The following VEZT variants were observed in gnomAD, a reference collection of about 807,000 sequenced individuals.
The protein encoded by VEZT is vezatin.
In VEZT, 39 loss-of-function variants were observed where a neutral mutation model predicts 79.9. That is an observed-to-expected ratio of 0.49 (90% CI 0.38 to 0.64). The LOEUF (loss-of-function observed/expected upper bound fraction) is 0.64. Among genes scored for constraint, VEZT ranks in the 30% least tolerant of loss-of-function variants. The probability of loss-of-function intolerance (pLI) is 0.00; values close to 1 mark genes in which losing one functional copy is unlikely to be tolerated. For synonymous variants in VEZT, 325 were observed against 327.6 expected, an observed-to-expected ratio of 0.99 and a Z score of 0.09; for missense variants, 837 against 893.1, an observed-to-expected ratio of 0.94 and a Z score of 0.80.
intron 6 of VEZT, among the ~76,000 whole-genome samples, chr12:95,274,476 A>G (rs1258970153): frequency 6.6e-6 from 1 of 152,164 alleles, no homozygotes; most frequent in Non-Finnish European, 1.5e-5. Flanking sequence ...AAAAAAATAA[A>G]TAAATAACGT....
intron 1 of VEZT, among the ~76,000 whole-genome samples, chr12:95,242,865 C>T (rs549041524): frequency 2.9e-5 from 4 of 137,190 alleles, no homozygotes; most frequent in Admixed American, 1.5e-4. Context: ...AAGAGCATAA[C>T]TCCATCTCAC....
chr12:95,268,761 CTCTA>C (rs1329882998), intron 5 of VEZT, among the ~76,000 whole-genome samples: 6 of 152,336 alleles, frequency 3.9e-5, no homozygotes, highest in Non-Finnish European at 4.4e-5. Context: ...CTTCCTTTGT[CTCTA>C]TCTAACTGGA....
At chr12:95,298,607 T>A (rs759827465) in intron 11 of VEZT, among the ~76,000 whole-genome samples, 80 of 152,304 alleles carry the variant, frequency 5.3e-4, no homozygotes, top group Non-Finnish European at 8.4e-4. Context: ...TACTGCTGTA[T>A]CCCTAGCGCA....
chr12:95,276,453 A>C (rs540356648), intron 7 of VEZT, among the ~76,000 whole-genome samples: 19 of 150,764 alleles, frequency 1.3e-4, no homozygotes, highest in Non-Finnish European at 2.7e-4. Flanking sequence ...TATTTTTTGT[A>C]GAGACAGGGT....
intron 1 of VEZT, among the ~76,000 whole-genome samples, chr12:95,222,542 C>T (rs2057782445): frequency 6.6e-6 from 1 of 151,844 alleles, no homozygotes; most frequent in East Asian, 1.9e-4. Flanking sequence ...ATTTTAATTA[C>T]TATAATTTAA....
chr12:95,236,945 G>T (rs2060281061), intron 1 of VEZT, among the ~76,000 whole-genome samples: 1 of 152,100 alleles, frequency 6.6e-6, no homozygotes, highest in Non-Finnish European at 1.5e-5. Flanking sequence ...AGGCAATTGG[G>T]AATAAATGTA....
intron 3 of VEZT, among the ~76,000 whole-genome samples, chr12:95,260,655 A>G (rs1342245889): frequency 6.6e-6 from 1 of 152,140 alleles, no homozygotes; most frequent in East Asian, 1.9e-4. Flanking sequence ...CTTACCTTAT[A>G]TAGGTACATA....
intron 1 of VEZT, among the ~76,000 whole-genome samples, chr12:95,234,589 C>T (rs2059749542): frequency 6.6e-6 from 1 of 152,182 alleles, no homozygotes; most frequent in African/African-American, 2.4e-5. Flanking sequence ...GCCACCGCGC[C>T]AGGCTTCCAT....
intron 1 of VEZT, among the ~76,000 whole-genome samples, chr12:95,233,777 A>G (rs996442002): frequency 5.0e-4 from 76 of 152,252 alleles, no homozygotes; most frequent in East Asian, 7.7e-4. Flanking sequence ...ATATATATAT[A>G]TGTGTGTGAC....
intron 6 of VEZT, among the ~76,000 whole-genome samples, chr12:95,273,857 G>A (rs1027434001): frequency 4.6e-5 from 7 of 152,096 alleles, no homozygotes; most frequent in South Asian, 2.1e-4. Flanking sequence ...TGACCAAATA[G>A]GAATATGCTA....
chr12:95,246,280 G>A (rs570904086), intron 1 of VEZT, among the ~76,000 whole-genome samples: 15 of 152,236 alleles, frequency 9.9e-5, no homozygotes, highest in African/African-American at 3.4e-4. Context: ...GTGCCACCAT[G>A]CCTGGCTAAT....
intron 1 of VEZT, among the ~76,000 whole-genome samples, chr12:95,228,828 A>T (rs1357427447): frequency 6.6e-6 from 1 of 152,140 alleles, no homozygotes. Flanking sequence ...ACATAGTGAG[A>T]CCCTGTCTCT....
intron 6 of VEZT, among the ~76,000 whole-genome samples, chr12:95,270,415 A>G (rs1265208849): frequency 6.6e-6 from 1 of 152,230 alleles, no homozygotes; most frequent in Admixed American, 6.5e-5. Flanking sequence ...AAACAAGGAA[A>G]AAACTTGAAG....
intron 1 of VEZT, among the ~76,000 whole-genome samples, chr12:95,225,968 A>C (rs1362643791): frequency 1.3e-5 from 2 of 151,750 alleles, no homozygotes; most frequent in African/African-American, 2.4e-5. Flanking sequence ...GGTGGCATGC[A>C]TCTCTAGCCC....
chr12:95,286,384 G>A (rs2070880664), intron 8 of VEZT: 3 of 497,602 alleles, frequency 6.0e-6, no homozygotes, highest in Admixed American at 4.9e-5. Flanking sequence ...CTTCATATTT[G>A]CCTTTTGTGC....
At chr12:95,298,752 A>ATT (rs2074719559) in intron 11 of VEZT, 1 of 152,214 alleles carries the variant, frequency 6.6e-6, no homozygotes, top group African/African-American at 2.4e-5. Flanking sequence ...CTATCAACCA[A>ATT]CTTCTAATAT....
At chr12:95,257,320 T>C (rs2063624498) in intron 3 of VEZT, 81 bp downstream of exon 3, 7 of 1,136,972 alleles carry the variant, frequency 6.2e-6, no homozygotes, top group Non-Finnish European at 8.7e-6. Flanking sequence ...TTTGTTTTGC[T>C]ATCAATTTGG....
chr12:95,286,640 C>A, intron 8 of VEZT: 1 of 415,720 alleles, frequency 2.4e-6, no homozygotes, highest in South Asian at 2.1e-5. Flanking sequence ...TAACTCTGGA[C>A]AATCTAAATT....
At chr12:95,231,369 A>G (rs1179314499) in intron 1 of VEZT, 1 of 152,204 alleles carries the variant, frequency 6.6e-6, no homozygotes, top group African/African-American at 2.4e-5. Flanking sequence ...TGATAGGAAA[A>G]TGCTTAGTAA....
Sources: gnomAD v4.1 joint callset for allele counts (sites outside exome capture counted in the v4.1 genomes callset) on GRCh38, gnomAD v4.1.1 for gene constraint, MANE v1.5 for transcripts, NCBI Gene and HGNC (gene_info 2026-07-23, HGNC 2026-07-21) for gene names.